The following FRMPD4 variants were observed in gnomAD, a reference collection of about 807,000 sequenced individuals.
FRMPD4 encodes FERM and PDZ domain containing 4.
FRMPD4 carries 22 observed loss-of-function variants against 94.1 expected under a neutral mutation model. That is an observed-to-expected ratio of 0.23 (90% CI 0.17 to 0.33). FRMPD4 has a LOEUF of 0.33. FRMPD4 is among the 10% of genes least tolerant of loss of function. FRMPD4 has a pLI of 1.00. For missense variants in FRMPD4, 1,111 were observed against 1,339.9 expected (o/e 0.83, Z 2.67); for synonymous variants, 631 against 548.6 (o/e 1.15, Z -2.10).
At chrX:12,314,164 C>T (rs1477655424) in intron 1 of FRMPD4, among the ~76,000 whole-genome samples, 1 of 112,357 alleles carries the variant, frequency 8.9e-6, no homozygotes, top group East Asian at 2.8e-4. Context: ...TACCTTCTAT[C>T]AATTAGGCAT....
intron 5 of FRMPD4, among the ~76,000 whole-genome samples, chrX:12,682,413 G>A (rs1417026290): frequency 8.9e-6 from 1 of 112,142 alleles, no homozygotes; most frequent in African/African-American, 3.2e-5. Context: ...CAGCCTCTAT[G>A]TCTTAAGACT....
chrX:12,068,378 G>T (rs773126544), intron 3 of FRMPD4, among the ~76,000 whole-genome samples: 21 of 110,418 alleles, frequency 1.9e-4, no homozygotes, highest in African/African-American at 6.6e-4. Context: ...TAAAAATTTT[G>T]TTTTTTTTCA....
rs751896618 is a variant in FRMPD4 at position 12,206,311 on chromosome X, A to C, written c.41+67299A>C. Among the ~76,000 whole-genome samples, 7 of 112,229 alleles carry C rather than the reference A, an allele frequency of 6.2e-5. No individual in the cohort carries two copies. The East Asian group carries it at 1.7e-3, about 27-fold the overall frequency. ...GTCTTATCTCTTTGATGATTCAAAG[A>C]TATTGTAAGAGACCTCTATATTTAT... On this transcript the variant is annotated intron_variant, in intron 1 of 16. Coordinates refer to ENST00000675598, the MANE Select transcript of FRMPD4 (RefSeq NM_001368397.1).
At chrX:12,642,269 AG>A (rs1254242345) in intron 4 of FRMPD4, among the ~76,000 whole-genome samples, 2 of 111,757 alleles carry the variant, frequency 1.8e-5, no homozygotes, top group African/African-American at 6.5e-5. Flanking sequence ...GGAAAAGAAC[AG>A]GACACTGTAA....
At chrX:12,686,280 G>C (rs1754420303) in intron 7 of FRMPD4, 76 bp downstream of exon 7, 4 of 498,620 alleles carry the variant, frequency 8.0e-6, no homozygotes, top group Non-Finnish European at 1.4e-5. Flanking sequence ...CATTGTAGCA[G>C]CATCTTCTTT....
intron 3 of FRMPD4, among the ~76,000 whole-genome samples, chrX:12,017,098 G>A (rs1020933664): frequency 1.8e-5 from 2 of 111,720 alleles, no homozygotes; most frequent in Non-Finnish European, 3.8e-5. Flanking sequence ...GTTTGTGTAC[G>A]CTTCCTTACT....
At position 11,914,969 on chromosome X, in the gene FRMPD4, A is replaced by G. The variant is rs1483723581; in HGVS notation, c.95+36951A>G. ...AACTTCTTGATACAGATATCTGCCA[A>G]AGTTTGCAAGCATAAATCTCCATAG... On this transcript the variant is annotated intron_variant, in intron 3 of 18. Transcript: ENST00000640291. Among the ~76,000 whole-genome samples the G allele has an allele frequency of 3.6e-5, 4 of 112,241 alleles. No individual in the cohort carries two copies. In the East Asian group the frequency reaches 1.1e-3, roughly 31 times the overall value.
intron 3 of FRMPD4, among the ~76,000 whole-genome samples, chrX:12,133,172 T>C (rs943483208): frequency 9.0e-6 from 1 of 111,271 alleles, no homozygotes; most frequent in African/African-American, 3.3e-5. Context: ...CAGAGTACTT[T>C]AGCCAGTGGG....
At chrX:12,284,008 A>C (rs1011387897) in intron 1 of FRMPD4, among the ~76,000 whole-genome samples, 1 of 112,115 alleles carries the variant, frequency 8.9e-6, no homozygotes, top group African/African-American at 3.2e-5. Context: ...CATGAACCTA[A>C]TAAAGGTTCT....
intron 3 of FRMPD4, among the ~76,000 whole-genome samples, chrX:12,113,870 T>A (rs1186143828): frequency 9.0e-6 from 1 of 111,714 alleles, no homozygotes; most frequent in Admixed American, 9.5e-5. Context: ...TTAAATACAA[T>A]GAGATATTGG....
chrX:11,975,003 G>A (rs982064697), intron 3 of FRMPD4, among the ~76,000 whole-genome samples: 2 of 111,915 alleles, frequency 1.8e-5, no homozygotes, highest in Admixed American at 1.9e-4. Context: ...TGGGGGGCAG[G>A]AAAGCAACAG....
chrX:12,567,224 CT>C (rs761363791), intron 2 of FRMPD4, among the ~76,000 whole-genome samples: 6 of 111,898 alleles, frequency 5.4e-5, no homozygotes, highest in South Asian at 7.6e-4. Flanking sequence ...GTACCTAAGG[CT>C]TTGGGAGCAA....
At chrX:12,241,491 A>G (rs2057129020) in intron 1 of FRMPD4, among the ~76,000 whole-genome samples, 1 of 112,431 alleles carries the variant, frequency 8.9e-6, no homozygotes, top group Non-Finnish European at 1.9e-5. Flanking sequence ...TAGAGTTATT[A>G]TCTCTCTATT....
chrX:12,334,610 G>GA (rs780511138), intron 1 of FRMPD4, among the ~76,000 whole-genome samples: 2,221 of 97,883 alleles, frequency 0.023, 48 homozygotes, highest in African/African-American at 0.066. Flanking sequence ...CTTCATTGGT[G>GA]AAAAAAAAAA....
rs180762075 is a variant in FRMPD4 at position 11,913,575 on chromosome X, G to A, written c.95+35557G>A. Reference sequence around the variant, plus strand: ...TTAAGATATTGGACTCTAACTTCAAGATCTCTTCTAGACACCTGGATCATA... The same window carrying A: ...TTAAGATATTGGACTCTAACTTCAAAATCTCTTCTAGACACCTGGATCATA... On this transcript the variant is annotated intron_variant, in intron 3 of 18. Coordinates refer to the FRMPD4 transcript ENST00000640291. Among the ~76,000 whole-genome samples the A allele has an allele frequency of 5.3e-5, 6 of 112,204 alleles. No homozygotes were observed. In the Admixed American group the frequency reaches 5.7e-4, roughly 11 times the overall value.
Position 12,694,389 on chromosome X carries a change from G to A in FRMPD4, c.868G>A (p.Val290Ile), listed in dbSNP as rs779596855. ...GAGATGTCTTTTCCGAATTAGCTTCGTCCCAAAAGATCCAATTGACCTTTT... is the reference window on the plus strand; with the variant it reads ...GAGATGTCTTTTCCGAATTAGCTTCATCCCAAAAGATCCAATTGACCTTTT... The part of the protein sequence containing the change: ...KMRCLFRISF[V>I]PKDPIDLLRR... The change falls in exon 9 of 17, where the codon GTC (valine) becomes ATC (isoleucine). Residue 290 changes from valine to isoleucine, a missense_variant. Val to Ile is a conservative substitution (Grantham distance 29). Around this residue, in one of 8 missense-constraint regions of FRMPD4, gnomAD observed 37 missense variants for 101.0 expected, o/e 0.37. Coordinates refer to ENST00000675598, the MANE Select transcript of FRMPD4 (RefSeq NM_001368397.1). 3.2e-5 allele frequency: 38 copies of A among 1,184,308 alleles called. No homozygotes were observed. Among genetic ancestry groups the A allele is most frequent in the African/African-American group, 5.3e-5 (3 of 56,580 alleles).
At chrX:12,198,843 GAAA>G (rs2056596238) in intron 1 of FRMPD4, among the ~76,000 whole-genome samples, 1 of 112,120 alleles carries the variant, frequency 8.9e-6, no homozygotes, top group Non-Finnish European at 1.9e-5. Flanking sequence ...TATTTTGATA[GAAA>G]AAGAACGTAG....
At chrX:12,281,444 T>C in intron 1 of FRMPD4, among the ~76,000 whole-genome samples, 1 of 110,264 alleles carries the variant, frequency 9.1e-6, no homozygotes, top group Non-Finnish European at 1.9e-5. Context: ...GTATGATCTC[T>C]GTTCACTGCA....
chrX:12,405,107 A>G (rs2056652393), intron 1 of FRMPD4, among the ~76,000 whole-genome samples: 1 of 111,665 alleles, frequency 9.0e-6, no homozygotes, highest in Non-Finnish European at 1.9e-5. Context: ...AGACCCTGGC[A>G]TTGGTATTTT....
Sources: gnomAD v4.1 joint callset for allele counts (sites outside exome capture counted in the v4.1 genomes callset) on GRCh38, gnomAD v4.1.1 for gene constraint, gnomAD v4.1.1 regional missense constraint, MANE v1.5 for transcripts, NCBI Gene and HGNC (gene_info 2026-07-23, HGNC 2026-07-21) for gene names.